Variants in MTRF1 observed in about 807,000 individuals in gnomAD.
MTRF1 encodes mitochondrial translation release factor 1.
MTRF1 carries 51 observed loss-of-function variants against 62.9 expected under a neutral mutation model. That is an observed-to-expected ratio of 0.81 (90% CI 0.65 to 1.02). The LOEUF is 1.02. Ranked by LOEUF, MTRF1 falls within the 50% of genes least tolerant of loss-of-function variation. The pLI is 0.00. For missense variants in MTRF1, 446 were observed against 530.0 expected (o/e 0.84, Z 1.56); for synonymous variants, 158 against 181.9 (o/e 0.87, Z 1.06).
the MTRF1 span, chr13:41,311,646 C>G: frequency 6.7e-7 from 1 of 1,492,714 alleles, no homozygotes; most frequent in South Asian, 1.2e-5. Context: ...TAAGGGCAAG[C>G]GGTCTGGCGG....
chr13:41,273,371 C>T, the MTRF1 span, among the ~76,000 whole-genome samples: 4 of 151,840 alleles, frequency 2.6e-5, no homozygotes, highest in Non-Finnish European at 5.9e-5. Flanking sequence ...TGGAAGCCCT[C>T]CATGGTTACC....
upstream of MTRF1, among the ~76,000 whole-genome samples, chr13:41,265,176 A>C (rs1203902352): frequency 6.6e-6 from 1 of 152,082 alleles, no homozygotes; most frequent in East Asian, 1.9e-4. Context: ...TAATCCTAGC[A>C]CTTTGGGAGG....
chr13:41,267,878 C>T (rs538108256), upstream of MTRF1, among the ~76,000 whole-genome samples: 1 of 149,588 alleles, frequency 6.7e-6, no homozygotes, highest in South Asian at 2.1e-4. Flanking sequence ...AAAAAAATGG[C>T]GATCAAATTA....
intron 6 of MTRF1, among the ~76,000 whole-genome samples, chr13:41,239,600 G>T (rs2037193220): frequency 6.6e-6 from 1 of 151,898 alleles, no homozygotes; most frequent in African/African-American, 2.4e-5. Context: ...ATATAGAGCA[G>T]ATGGCTGTAT....
intron 1 of MTRF1, among the ~76,000 whole-genome samples, chr13:41,262,813 T>C (rs1027639270): frequency 3.9e-5 from 6 of 152,128 alleles, no homozygotes; most frequent in Non-Finnish European, 8.8e-5. Flanking sequence ...AGGATCAACA[T>C]TTATCAAAAT....
At chr13:41,293,778 C>A in the MTRF1 span, among the ~76,000 whole-genome samples, 79 of 152,138 alleles carry the variant, frequency 5.2e-4, 1 homozygote, top group African/African-American at 1.8e-3. Flanking sequence ...CATAAATGAA[C>A]TTTTAATGTA....
chr13:41,220,047 C>T (rs1389209618), intron 9 of MTRF1, among the ~76,000 whole-genome samples: 1 of 142,332 alleles, frequency 7.0e-6, no homozygotes, highest in Non-Finnish European at 1.5e-5. Flanking sequence ...AGGAAAACTG[C>T]TGGGGGCGCG....
Position 41,244,696 on chromosome 13 carries a change from AG to A in MTRF1, c.698-4264del, listed in dbSNP as rs1483124564. 2.6e-5 allele frequency among the ~76,000 whole-genome samples: 4 copies of A among 152,324 alleles called. No homozygotes were observed. In the South Asian group the frequency reaches 6.2e-4, roughly 24 times the overall value. On this transcript the variant is annotated intron_variant, in intron 5 of 9. Coordinates refer to ENST00000379480, the MANE Select transcript of MTRF1 (RefSeq NM_004294.4). ...AGAAACAGGTCGCTATGTTGGGAAT[AG>A]CCCTGTGGAGAGGCCCTCGTGGTGA... is the stretch of plus-strand genomic sequence containing the variant.
chr13:41,299,345 A>G, the MTRF1 span, among the ~76,000 whole-genome samples: 1 of 152,186 alleles, frequency 6.6e-6, no homozygotes, highest in Non-Finnish European at 1.5e-5. Flanking sequence ...GAGGCTAAGT[A>G]CCATTGAAAA....
chr13:41,240,324 G>A lies in MTRF1; in HGVS notation c.807C>T (p.Ser269=), dbSNP rs373670886. The part of the protein sequence containing the change: ...RVQRIPEVGL[S]SRMQRIHTGT... ...CTGTGTGAATGCGCTGCATCCTTGA[G>A]GACAGGCCCACCTCGGGGATGCGCT... is the stretch of plus-strand genomic sequence containing the variant. Residue 269 remains serine (S), a synonymous_variant, in exon 6 of 10, where the codon TCC becomes TCT. Coordinates refer to ENST00000379480, the MANE Select transcript of MTRF1 (RefSeq NM_004294.4). The A allele has an allele frequency of 3.7e-6, 6 of 1,613,670 alleles. No individual in the cohort carries two copies. The highest frequency in any genetic ancestry group is 5.1e-6 in the Non-Finnish European group (6 of 1,179,868).
the MTRF1 span, among the ~76,000 whole-genome samples, chr13:41,304,258 C>T: frequency 5.9e-5 from 9 of 152,322 alleles, 3 homozygotes; most frequent in Admixed American, 5.9e-4. Context: ...AAAATACAAG[C>T]TCCATGAGGG....
At chr13:41,249,609 ATTTT>A (rs1364011606) in intron 5 of MTRF1, among the ~76,000 whole-genome samples, 2 of 84,588 alleles carry the variant, frequency 2.4e-5, no homozygotes, top group Non-Finnish European at 2.4e-5. Flanking sequence ...TTAGTCTTTG[ATTTT>A]TTTTTCTTTT....
chr13:41,262,754 A>G (rs1410370303), intron 1 of MTRF1, among the ~76,000 whole-genome samples: 1 of 152,230 alleles, frequency 6.6e-6, no homozygotes, highest in East Asian at 1.9e-4. Flanking sequence ...TGAGCCAAGG[A>G]GTTCAAGGCC....
the MTRF1 span, among the ~76,000 whole-genome samples, chr13:41,284,075 T>C: frequency 6.6e-6 from 1 of 151,188 alleles, no homozygotes; most frequent in Non-Finnish European, 1.5e-5. Context: ...TATAAACCTT[T>C]ACCTTAATTC....
chr13:41,273,264 T>G, the MTRF1 span, among the ~76,000 whole-genome samples: 1 of 150,688 alleles, frequency 6.6e-6, no homozygotes, highest in African/African-American at 2.4e-5. Context: ...TGGCGGAGGT[T>G]GCAGTGAGCC....
At chr13:41,270,660 A>G in the MTRF1 span, among the ~76,000 whole-genome samples, 3 of 152,234 alleles carry the variant, frequency 2.0e-5, no homozygotes, top group Admixed American at 2.0e-4. Context: ...GACATGCTAG[A>G]GAAAAATTAA....
chr13:41,270,719 CTTT>C, the MTRF1 span, among the ~76,000 whole-genome samples: 1 of 149,710 alleles, frequency 6.7e-6, no homozygotes, highest in African/African-American at 2.4e-5. Flanking sequence ...ATTATAAAGG[CTTT>C]TTATTATTTT....
chr13:41,306,259 C>A, the MTRF1 span, among the ~76,000 whole-genome samples: 1 of 152,046 alleles, frequency 6.6e-6, no homozygotes, highest in East Asian at 1.9e-4. Flanking sequence ...TGGCGGGCGC[C>A]TGTAGTCCCA....
chr13:41,278,449 T>C, the MTRF1 span, among the ~76,000 whole-genome samples: 18 of 152,340 alleles, frequency 1.2e-4, 1 homozygote, highest in South Asian at 3.5e-3. Flanking sequence ...ACTTGGGATA[T>C]GCCCTATGTA....
Sources: gnomAD v4.1 joint callset for allele counts (sites outside exome capture counted in the v4.1 genomes callset) on GRCh38, gnomAD v4.1.1 for gene constraint, MANE v1.5 for transcripts, NCBI Gene and HGNC (gene_info 2026-07-23, HGNC 2026-07-21) for gene names.